The following FAM186B variants were observed in gnomAD, a reference collection of about 807,000 sequenced individuals.
The protein encoded by FAM186B is protein FAM186B.
In FAM186B, 68 loss-of-function variants were observed where a neutral mutation model predicts 83.4. The observed-to-expected ratio is 0.81, with a 90% confidence interval of 0.67 to 1.00. The LOEUF (loss-of-function observed/expected upper bound fraction) is 1.00, where lower values mean the gene tolerates loss of function less well. Ranked by LOEUF, FAM186B falls within the 50% of genes least tolerant of loss-of-function variation. The probability of loss-of-function intolerance (pLI) is 0.00; values close to 1 mark genes in which losing one functional copy is unlikely to be tolerated. For synonymous variants in FAM186B, 389 were observed against 422.0 expected, an observed-to-expected ratio of 0.92 and a Z score of 0.96; for missense variants, 983 against 1,099.2, an observed-to-expected ratio of 0.89 and a Z score of 1.49.
In FAM186B at chr12:49,599,341, AC is replaced by A. The variant is rs1250335744; in HGVS notation, c.2171+127del. The A allele has an allele frequency of 1.0e-5, 14 of 1,372,806 alleles. No homozygotes were observed. The East Asian group carries it at 3.8e-4, about 37-fold the overall frequency. The allele number at this position is 1,372,806 out of a possible 1,614,324, so 85.0% of individuals were successfully genotyped here. On this transcript the variant is annotated intron_variant, in intron 4 of 6. Coordinates refer to ENST00000257894, the MANE Select transcript of FAM186B (RefSeq NM_032130.3). ...TGCTTTCCAGGCCCCCACTCAGGAG[AC>A]CCTGTCCAGGCCTGGGGTGGCTCTC...
the FAM186B span, among the ~76,000 whole-genome samples, chr12:49,617,599 T>C: frequency 6.6e-6 from 1 of 152,246 alleles, no homozygotes; most frequent in African/African-American, 2.4e-5. Context: ...AATTTCATGA[T>C]AGCTTTCTAT....
chr12:49,587,694 C>A lies in FAM186B; in HGVS notation c.2593G>T (p.Ala865Ser). Residue 865 changes from alanine to serine, a missense_variant, in exon 7 of 7, where the codon GCA (alanine) becomes TCA (serine). Transcript: ENST00000257894. ...CTGGCAGGGGTCTTTTTTTCTATTG[C>A]GTAACTGGAGGAGGCCACCTCGGTC... ...WKTEVASSSY[A>S]IEKKTPASLP... 6.2e-7 allele frequency: 1 copy of A among 1,614,046 alleles called. No individual in the cohort carries two copies. Among genetic ancestry groups the A allele is most frequent in the African/African-American group, 1.3e-5 (1 of 74,994 alleles).
At chr12:49,616,038 T>C in the FAM186B span, among the ~76,000 whole-genome samples, 2 of 151,956 alleles carry the variant, frequency 1.3e-5, no homozygotes, top group Non-Finnish European at 2.9e-5. Context: ...TGGCAGTTTT[T>C]TTTTTTTTTG....
chr12:49,619,304 C>T, the FAM186B span: 21 of 288,642 alleles, frequency 7.3e-5, no homozygotes, highest in Non-Finnish European at 1.1e-4. Flanking sequence ...GGGGTTTTCT[C>T]GCTCTAGGGA....
chr12:49,607,025 C>T (rs1940037267), upstream of FAM186B, among the ~76,000 whole-genome samples: 1 of 151,874 alleles, frequency 6.6e-6, no homozygotes, highest in African/African-American at 2.4e-5. Context: ...TCCATATAAC[C>T]CTGAGTCAAA....
chr12:49,614,556 A>G, the FAM186B span, among the ~76,000 whole-genome samples: 34 of 152,370 alleles, frequency 2.2e-4, no homozygotes, highest in South Asian at 2.1e-4. Context: ...AGATGGCAAC[A>G]AAAGACACTG....
intron 5 of FAM186B, chr12:49,594,069 A>C (rs890639290): frequency 4.9e-6 from 1 of 202,402 alleles, no homozygotes; most frequent in Admixed American, 5.1e-5. Context: ...AAAGACACTC[A>C]GAGTAAAAAG....
intron 5 of FAM186B, 143 bp downstream of exon 5, chr12:49,598,610 GCT>G (rs1487781635): frequency 2.7e-6 from 2 of 744,178 alleles, no homozygotes; most frequent in Non-Finnish European, 4.3e-6. Context: ...TGGTGCAGAG[GCT>G]TTATCCTGCC....
chr12:49,594,430 A>G (rs977522331), intron 5 of FAM186B, among the ~76,000 whole-genome samples: 13 of 152,224 alleles, frequency 8.5e-5, no homozygotes, highest in African/African-American at 3.1e-4. Context: ...AACCCTTTAT[A>G]CACTGTTTTT....
chr12:49,603,426 C>T, intron 2 of FAM186B, 59 bp from the exon 3 acceptor site: 2 of 1,564,964 alleles, frequency 1.3e-6, no homozygotes, highest in Admixed American at 3.4e-5. Flanking sequence ...GGGACACAGA[C>T]AGCCCTATAG....
intron 5 of FAM186B, among the ~76,000 whole-genome samples, chr12:49,597,071 A>C (rs1003062908): frequency 1.1e-4 from 16 of 152,232 alleles, no homozygotes; most frequent in African/African-American, 3.9e-4. Flanking sequence ...TAGAGTATTC[A>C]GAATAGTCAC....
chr12:49,588,659 G>A, intron 5 of FAM186B, 36 bp from the exon 6 acceptor site: 1 of 1,538,340 alleles, frequency 6.5e-7, no homozygotes, highest in Non-Finnish European at 8.8e-7. Flanking sequence ...AGGGAAACAG[G>A]AAGTTATCTC....
intron 6 of FAM186B, 74 bp downstream of exon 6, chr12:49,588,380 C>T: frequency 6.6e-7 from 1 of 1,516,476 alleles, no homozygotes; most frequent in Admixed American, 2.0e-5. Context: ...CTGCCCACCT[C>T]CCCAGGCTGG....
chr12:49,598,365 C>A (rs1194661812), intron 5 of FAM186B, among the ~76,000 whole-genome samples: 3 of 152,150 alleles, frequency 2.0e-5, no homozygotes, highest in African/African-American at 7.2e-5. Context: ...GTGCACCAAG[C>A]CTGGAGAGCC....
chr12:49,613,212 A>G, the FAM186B span, among the ~76,000 whole-genome samples: 1 of 152,236 alleles, frequency 6.6e-6, no homozygotes, highest in African/African-American at 2.4e-5. Flanking sequence ...GAATGTTTAC[A>G]GCACTAAATG....
intron 5 of FAM186B, among the ~76,000 whole-genome samples, chr12:49,589,384 T>C (rs544572025): frequency 6.6e-6 from 1 of 152,326 alleles, no homozygotes; most frequent in South Asian, 2.1e-4. Context: ...CCTGGCAGCC[T>C]GAGCCTCAGG....
chr12:49,605,205 G>A, intron 1 of FAM186B, 177 bp downstream of exon 1: 1 of 1,441,322 alleles, frequency 6.9e-7, no homozygotes, highest in Non-Finnish European at 9.1e-7. Context: ...AGCTCACCCT[G>A]TATATGCCAA....
chr12:49,608,325 T>C (rs917631266), upstream of FAM186B, among the ~76,000 whole-genome samples: 14 of 151,098 alleles, frequency 9.3e-5, no homozygotes, highest in African/African-American at 3.4e-4. Flanking sequence ...ACCTTGTCTC[T>C]ACTAAAAACA....
At chr12:49,585,602 G>A (rs540074308), downstream of FAM186B, among the ~76,000 whole-genome samples, 5 of 152,302 alleles carry the variant, frequency 3.3e-5, no homozygotes, top group South Asian at 1.0e-3. Flanking sequence ...CCGAGAGGAC[G>A]CCCCAGTGGG....
Sources: allele counts gnomAD v4.1 joint callset (sites outside exome capture counted in the v4.1 genomes callset), GRCh38; gene constraint gnomAD v4.1.1; transcripts MANE v1.5; gene names NCBI Gene and HGNC (gene_info 2026-07-23, HGNC 2026-07-21).